Variants in RBFOX1 observed in about 807,000 individuals in gnomAD.
RBFOX1 encodes RNA binding protein fox-1 homolog 1.
A neutral mutation model predicts 57.7 loss-of-function variants in RBFOX1; 8 were observed. That is an observed-to-expected ratio of 0.14 (90% CI 0.08 to 0.25). The LOEUF (loss-of-function observed/expected upper bound fraction) is 0.25. RBFOX1 is among the 10% of genes least tolerant of loss of function. RBFOX1 has a pLI of 1.00. For missense variants in RBFOX1, 611 were observed against 548.5 expected (o/e 1.11, Z -1.14); for synonymous variants, 326 against 222.4 (o/e 1.47, Z -4.15).
At chr16:6,223,546 T>C (rs139746406) in intron 1 of RBFOX1, among the ~76,000 whole-genome samples, 3,931 of 152,208 alleles carry the variant, frequency 0.026, 80 homozygotes, top group Admixed American at 0.039. Context: ...TTTGTTGGGG[T>C]TGTTTGTTTT....
chr16:7,662,181 C>G (rs565023335), intron 12 of RBFOX1, among the ~76,000 whole-genome samples: 71 of 152,194 alleles, frequency 4.7e-4, no homozygotes, highest in Non-Finnish European at 7.8e-4. Flanking sequence ...AGATCAGAGA[C>G]AGATGAGGTT....
intron 3 of RBFOX1, among the ~76,000 whole-genome samples, chr16:6,665,949 C>T (rs1431663713): frequency 6.6e-6 from 1 of 152,008 alleles, no homozygotes; most frequent in East Asian, 1.9e-4. Flanking sequence ...GTGAGAGGGA[C>T]CTGGTAGGAG....
intron 12 of RBFOX1, among the ~76,000 whole-genome samples, chr16:7,654,150 G>A (rs544717504): frequency 7.9e-5 from 12 of 152,342 alleles, no homozygotes; most frequent in South Asian, 2.1e-4. Context: ...TCCTGTCATG[G>A]TTGGTGCCTT....
At chr16:5,813,031 G>A (rs1386733064) in intron 3 of RBFOX1, among the ~76,000 whole-genome samples, 1 of 136,972 alleles carries the variant, frequency 7.3e-6, no homozygotes, top group African/African-American at 2.8e-5. Context: ...TTTTTGAGAT[G>A]GAGACTTGCT....
At chr16:7,251,149 C>T (rs2094486389) in intron 4 of RBFOX1, among the ~76,000 whole-genome samples, 1 of 152,154 alleles carries the variant, frequency 6.6e-6, no homozygotes, top group Non-Finnish European at 1.5e-5. Context: ...CATTCACCAA[C>T]ATCTCCCCAA....
chr16:6,523,280 A>C (rs1293979580), intron 2 of RBFOX1, among the ~76,000 whole-genome samples: 1 of 151,870 alleles, frequency 6.6e-6, no homozygotes, highest in East Asian at 1.9e-4. Context: ...AGACAGAGGG[A>C]GGGGGGGTTA....
intron 3 of RBFOX1, among the ~76,000 whole-genome samples, chr16:6,848,480 C>T (rs1017814634): frequency 1.3e-5 from 2 of 152,046 alleles, no homozygotes; most frequent in African/African-American, 4.8e-5. Context: ...CCACCTTAGA[C>T]TGAAGGCACT....
At chr16:7,687,228 A>G (rs529067426) in intron 14 of RBFOX1, among the ~76,000 whole-genome samples, 29 of 147,772 alleles carry the variant, frequency 2.0e-4, no homozygotes, top group Non-Finnish European at 3.8e-4. Flanking sequence ...CAGGGCAGGT[A>G]AAAAATATGA....
At chr16:6,764,774 C>T (rs984668819) in intron 3 of RBFOX1, among the ~76,000 whole-genome samples, 14 of 151,774 alleles carry the variant, frequency 9.2e-5, no homozygotes, top group Admixed American at 2.0e-4. Context: ...CTGTCTCTAC[C>T]AAAAATATAA....
chr16:6,084,463 C>G (rs2096057356), intron 1 of RBFOX1, among the ~76,000 whole-genome samples: 1 of 152,086 alleles, frequency 6.6e-6, no homozygotes, highest in Non-Finnish European at 1.5e-5. Context: ...AGGCTGATCT[C>G]CAACTCCCAG....
intron 1 of RBFOX1, among the ~76,000 whole-genome samples, chr16:6,249,167 G>C (rs2097586871): frequency 6.6e-6 from 1 of 152,100 alleles, no homozygotes; most frequent in African/African-American, 2.4e-5. Flanking sequence ...GTAGCATATG[G>C]GCAAAGATCA....
At chr16:5,459,233 C>T (rs2068718667) in intron 1 of RBFOX1, among the ~76,000 whole-genome samples, 1 of 152,240 alleles carries the variant, frequency 6.6e-6, no homozygotes, top group Non-Finnish European at 1.5e-5. Context: ...GACCCTTGTC[C>T]TCTGTGCTTA....
At chr16:6,935,038 A>T (rs1321472642) in intron 3 of RBFOX1, among the ~76,000 whole-genome samples, 1 of 151,924 alleles carries the variant, frequency 6.6e-6, no homozygotes, top group African/African-American at 2.4e-5. Flanking sequence ...TTGCAGTGAG[A>T]CAAGATCGTT....
intron 1 of RBFOX1, among the ~76,000 whole-genome samples, chr16:5,363,003 A>T (rs2065597067): frequency 6.6e-6 from 1 of 150,466 alleles, no homozygotes; most frequent in South Asian, 2.1e-4. Flanking sequence ...GGGAGTGCAA[A>T]TATCTCTTTG....
intron 4 of RBFOX1, among the ~76,000 whole-genome samples, chr16:7,309,510 G>C (rs1260226118): frequency 6.6e-6 from 1 of 152,214 alleles, no homozygotes; most frequent in Non-Finnish European, 1.5e-5. Context: ...GGCCGCTCCT[G>C]CCTTTGCCCG....
At chr16:7,082,864 A>T (rs2059414639) in intron 4 of RBFOX1, among the ~76,000 whole-genome samples, 1 of 152,204 alleles carries the variant, frequency 6.6e-6, no homozygotes, top group Non-Finnish European at 1.5e-5. Flanking sequence ...TTGAGTTGAT[A>T]ACTGATAACT....
chr16:7,560,918 C>A (rs1375105670), intron 5 of RBFOX1, among the ~76,000 whole-genome samples: 1 of 152,150 alleles, frequency 6.6e-6, no homozygotes, highest in African/African-American at 2.4e-5. Flanking sequence ...TTCACATATT[C>A]CCGTCTGGCC....
intron 3 of RBFOX1, among the ~76,000 whole-genome samples, chr16:5,698,244 C>T (rs2050912016): frequency 6.6e-6 from 1 of 151,902 alleles, no homozygotes; most frequent in Admixed American, 6.6e-5. Flanking sequence ...TAATACTACC[C>T]CCAGTGAGTC....
chr16:7,108,916 C>T (rs951074502), intron 4 of RBFOX1, among the ~76,000 whole-genome samples: 1 of 152,080 alleles, frequency 6.6e-6, no homozygotes, highest in Non-Finnish European at 1.5e-5. Flanking sequence ...TTTGTCTGTA[C>T]TGACATTCAA....
Sources: allele counts gnomAD v4.1 joint callset (sites outside exome capture counted in the v4.1 genomes callset), GRCh38; gene constraint gnomAD v4.1.1; transcripts MANE v1.5; gene names NCBI Gene and HGNC (gene_info 2026-07-23, HGNC 2026-07-21).